Variants in EPGN observed in about 807,000 individuals in gnomAD.
The protein encoded by EPGN is epithelial mitogen.
In EPGN, 21 loss-of-function variants were observed where a neutral mutation model predicts 20.7. That is an observed-to-expected ratio of 1.01 (90% CI 0.72 to 1.46). The LOEUF (loss-of-function observed/expected upper bound fraction) is 1.46. Among genes scored for constraint, EPGN ranks in the 40% most tolerant of loss-of-function variants. The pLI is 0.00. For synonymous variants in EPGN, 69 were observed against 63.8 expected, an observed-to-expected ratio of 1.08 and a Z score of -0.39; for missense variants, 199 against 180.7, an observed-to-expected ratio of 1.10 and a Z score of -0.58.
chr4:74,310,331 G>A (rs1015235762), intron 2 of EPGN, among the ~76,000 whole-genome samples: 4 of 151,574 alleles, frequency 2.6e-5, no homozygotes, highest in Non-Finnish European at 5.9e-5. Flanking sequence ...ACGTGGTGGC[G>A]CATGCCTGTA....
At chr4:74,311,610 G>A (rs1296678933) in intron 2 of EPGN, among the ~76,000 whole-genome samples, 1 of 152,032 alleles carries the variant, frequency 6.6e-6, no homozygotes, top group Non-Finnish European at 1.5e-5. Flanking sequence ...AATCAATAAA[G>A]TATGCCCCAA....
rs1283240251 is a variant in EPGN at position 74,314,664 on chromosome 4, G to C, written c.*27G>C. The C allele has an allele frequency of 1.3e-6, 2 of 1,534,154 alleles. No homozygotes were observed. The highest frequency in any genetic ancestry group is 8.7e-7 in the Non-Finnish European group (1 of 1,145,426). On this transcript the variant is annotated 3_prime_UTR_variant, in exon 5 of 5. Coordinates refer to ENST00000413830, the MANE Select transcript of EPGN (RefSeq NM_001270989.2). ...GCCTTTGTGAAGAATTTTCATCAAG[G>C]CATCTGTAGAGATCAGTGAGCCCAA...
chr4:74,310,461 CAA>C (rs10586282), intron 2 of EPGN, among the ~76,000 whole-genome samples: 3,425 of 42,756 alleles, frequency 0.08, 44 homozygotes, highest in African/African-American at 0.2. Flanking sequence ...GAGTCCGTCT[CAA>C]AAAAAAAAAA....
intron 4 of EPGN, 29 bp downstream of exon 4, chr4:74,313,199 T>A: frequency 6.3e-7 from 1 of 1,596,536 alleles, no homozygotes; most frequent in Middle Eastern, 1.7e-4. Context: ...ATGAAGTCAC[T>A]TCATATGCAA....
Position 74,314,780 on chromosome 4 carries a change from A to G in EPGN, c.*143A>G. ...TGGGATCACAATGAAATGAGAAGAT[A>G]AAATTCAGCGTTGGCCTTTAGACTT... On this transcript the variant is annotated 3_prime_UTR_variant, in exon 5 of 5. Coordinates refer to ENST00000413830, the MANE Select transcript of EPGN (RefSeq NM_001270989.2). 1.2e-6 allele frequency: 1 copy of G among 800,564 alleles called. No homozygotes were observed. Among genetic ancestry groups the G allele is most frequent in the East Asian group, 2.7e-5 (1 of 37,276 alleles). The allele number at this position is 800,564 out of a possible 1,614,324, so 49.6% of individuals were successfully genotyped here.
At chr4:74,313,357 A>C (rs1751092548) in intron 4 of EPGN, 187 bp downstream of exon 4, 1 of 1,395,776 alleles carries the variant, frequency 7.2e-7, no homozygotes, top group Admixed American at 3.5e-5. Flanking sequence ...GAGTGGTAAA[A>C]ATTTGCCTTC....
At position 74,309,132 on chromosome 4, in the gene EPGN, C is replaced by T; in HGVS notation, c.83C>T (p.Thr28Ile). Residue 28 changes from threonine (T) to isoleucine (I), a missense_variant, in exon 2 of 5, where the codon ACA (threonine) becomes ATA (isoleucine). By Grantham distance (89) the Thr-to-Ile change is moderately conservative (BLOSUM62 -1). Coordinates refer to ENST00000413830, the MANE Select transcript of EPGN (RefSeq NM_001270989.2). The stretch of plus-strand genomic sequence containing the variant: ...ACCGAAGAGGCAGCCGTGACTGTAA[C>T]ACCTCCAATCACAGCCCAGCAAGGT... ...ALTEEAAVTV[T>I]PPITAQQGNW... 1 of 1,613,626 alleles carries T rather than the reference C, an allele frequency of 6.2e-7. No individual in the cohort carries two copies. The highest frequency in any genetic ancestry group is 8.5e-7 in the Non-Finnish European group (1 of 1,179,672).
Position 74,308,491 on chromosome 4 carries a change from A to T in EPGN, c.-43A>T. On this transcript the variant is annotated 5_prime_UTR_variant, in exon 1 of 5. Coordinates refer to ENST00000413830, the MANE Select transcript of EPGN (RefSeq NM_001270989.2). Reference sequence around the variant, plus strand: ...GCTCAATAAAAACCTTCCACCCGTCAGTCTAGAAGGATAAGAGAAAGAAAG... The same window carrying T: ...GCTCAATAAAAACCTTCCACCCGTCTGTCTAGAAGGATAAGAGAAAGAAAG... 6.6e-7 allele frequency: 1 copy of T among 1,519,926 alleles called. No homozygotes were observed. The highest frequency in any genetic ancestry group is 9.0e-7 in the Non-Finnish European group (1 of 1,112,324). 94.2% of individuals were successfully genotyped at this position (1,519,926 alleles called of 1,614,324 possible). A position where few individuals can be genotyped will look rare whatever the true frequency, so the allele number is the denominator to read the frequency against.
In EPGN at chr4:74,308,544, G is replaced by A; in HGVS notation, c.11G>A (p.Gly4Glu). 1.2e-6 allele frequency: 2 copies of A among 1,610,396 alleles called. No homozygotes were observed. The highest frequency in any genetic ancestry group is 1.3e-5 in the African/African-American group (1 of 75,004). ...AAGCAACTACAGGAAATGGCTTTGG[G>A]AGTTCCAATATCAGTCTATCTTTTA... MAL[G>E]VPISVYLLFN... Residue 4 changes from glycine to glutamate, a missense_variant, in exon 1 of 5, where the codon GGA becomes GAA. Gly to Glu is a moderately conservative substitution (Grantham distance 98). Coordinates refer to ENST00000413830, the MANE Select transcript of EPGN (RefSeq NM_001270989.2).
At position 74,308,765 on chromosome 4, in the gene EPGN, C is replaced by A. The variant is rs72654838; in HGVS notation, c.43+189C>A. Among the ~76,000 whole-genome samples the A allele has an allele frequency of 7.6e-3, 1,151 of 152,022 alleles. 4 individuals carry two copies. Among genetic ancestry groups the A allele is most frequent in the Non-Finnish European group, 0.013 (903 of 67,974 alleles). On this transcript the variant is annotated intron_variant, in intron 1 of 4. Transcript: ENST00000413830. ...TTCCTTTCCTAATATATTTTGACACCTTTTTTGAGACCTCCAGAATGTTTG... is the reference window on the plus strand; with the variant it reads ...TTCCTTTCCTAATATATTTTGACACATTTTTTGAGACCTCCAGAATGTTTG...
In EPGN at chr4:74,308,587, T is replaced by G; in HGVS notation, c.43+11T>G. The G allele has an allele frequency of 1.2e-6, 2 of 1,608,272 alleles. No homozygotes were observed. Among genetic ancestry groups the G allele is most frequent in the Non-Finnish European group, 8.5e-7 (1 of 1,176,338 alleles). ...ATCTTTTATTCAACGGTAGGTAATT[T>G]CCTTTTGTTTTGTTAACTTTATATC... On this transcript the variant is annotated intron_variant, in intron 1 of 4. Transcript: ENST00000413830.
At chr4:74,310,955 G>A (rs565882006) in intron 2 of EPGN, among the ~76,000 whole-genome samples, 66 of 152,234 alleles carry the variant, frequency 4.3e-4, no homozygotes, top group African/African-American at 1.5e-3. Flanking sequence ...TGAATCCACA[G>A]ATGTGGAACC....
chr4:74,308,625 G>C, intron 1 of EPGN, 49 bp downstream of exon 1: 1 of 1,497,738 alleles, frequency 6.7e-7, no homozygotes, highest in Non-Finnish European at 9.2e-7. Context: ...TGTAAAATGT[G>C]AATAGAATTT....
In EPGN at chr4:74,308,472, T is replaced by TA; in HGVS notation, c.-57dup. 3 of 1,407,572 alleles carry TA rather than the reference T, an allele frequency of 2.1e-6. No individual in the cohort carries two copies. The highest frequency in any genetic ancestry group is 1.3e-5 in the South Asian group (1 of 77,716). The allele number at this position is 1,407,572 out of a possible 1,614,324, so 87.2% of individuals were successfully genotyped here. On this transcript the variant is annotated 5_prime_UTR_variant, in exon 1 of 5. Coordinates refer to ENST00000413830, the MANE Select transcript of EPGN (RefSeq NM_001270989.2). ...TGCAACAAAGACTCAGAGAGCTCAA[T>TA]AAAAACCTTCCACCCGTCAGTCTAG...
intron 2 of EPGN, among the ~76,000 whole-genome samples, chr4:74,310,736 C>T (rs1750883451): frequency 6.6e-6 from 1 of 152,116 alleles, no homozygotes; most frequent in Admixed American, 6.6e-5. Flanking sequence ...TGCTCAAATC[C>T]CTTATATAAA....
At chr4:74,309,986 T>C (rs966203652) in intron 2 of EPGN, among the ~76,000 whole-genome samples, 6 of 152,182 alleles carry the variant, frequency 3.9e-5, no homozygotes, top group African/African-American at 1.4e-4. Flanking sequence ...GTTCTTCATG[T>C]CACCAATAAT....
In EPGN at chr4:74,312,277, C is replaced by A. The variant is rs1314326527; in HGVS notation, c.226C>A (p.His76Asn). The A allele has an allele frequency of 1.2e-5, 20 of 1,611,940 alleles. No homozygotes were observed. The highest frequency in any genetic ancestry group is 1.6e-5 in the Non-Finnish European group (19 of 1,179,258). Residue 76 changes from histidine to asparagine, a missense_variant, in exon 3 of 5, where the codon CAC becomes AAC. By Grantham distance (68) the His-to-Asn change is moderately conservative. Coordinates refer to ENST00000413830, the MANE Select transcript of EPGN (RefSeq NM_001270989.2). ...CTGCATCAACGGTGCTTGTGCATTC[C>A]ACCATGAGCTAGAGAAAGCCATCTG... ...SYCINGACAF[H>N]HELEKAICRC... is the part of the protein sequence containing the mutation.
intron 2 of EPGN, among the ~76,000 whole-genome samples, chr4:74,311,800 G>A (rs989497373): frequency 6.6e-6 from 1 of 152,154 alleles, no homozygotes; most frequent in African/African-American, 2.4e-5. Flanking sequence ...GAAGAAAATC[G>A]AAATATTATG....
intron 3 of EPGN, 106 bp from the exon 4 acceptor site, chr4:74,312,912 A>G (rs1189168694): frequency 1.0e-6 from 1 of 1,002,598 alleles, no homozygotes; most frequent in Non-Finnish European, 1.4e-6. Flanking sequence ...TGCCTCTTTA[A>G]TTTAAATTCC....
Sources: allele counts gnomAD v4.1 joint callset (sites outside exome capture counted in the v4.1 genomes callset), GRCh38; gene constraint gnomAD v4.1.1; transcripts MANE v1.5; gene names NCBI Gene and HGNC (gene_info 2026-07-23, HGNC 2026-07-21).